Variants in ANO4 observed in about 807,000 individuals in gnomAD.
ANO4 encodes anoctamin 4.
In ANO4, 69 loss-of-function variants were observed where a neutral mutation model predicts 141.9. That is an observed-to-expected ratio of 0.49 (90% confidence interval 0.40 to 0.59). ANO4 has a LOEUF of 0.59. Among genes scored for constraint, ANO4 ranks in the 20% least tolerant of loss-of-function variants. ANO4 has a pLI of 0.00. For missense variants in ANO4, 894 were observed against 1,162.2 expected (o/e 0.77, Z 3.36); for synonymous variants, 350 against 394.3 (o/e 0.89, Z 1.33).
At chr12:101,037,782 A>T (rs2047257976) in intron 10 of ANO4, among the ~76,000 whole-genome samples, 1 of 152,188 alleles carries the variant, frequency 6.6e-6, no homozygotes, top group African/African-American at 2.4e-5. Context: ...ATTATTGAGA[A>T]ATTATTGTCA....
intron 1 of ANO4, among the ~76,000 whole-genome samples, chr12:100,883,155 T>C (rs2039653953): frequency 6.6e-6 from 1 of 152,224 alleles, no homozygotes; most frequent in Non-Finnish European, 1.5e-5. Context: ...TTCAGGCCAG[T>C]AAGCTCTAAA....
At chr12:101,065,747 C>A (rs1170593027) in intron 14 of ANO4, among the ~76,000 whole-genome samples, 3 of 152,146 alleles carry the variant, frequency 2.0e-5, no homozygotes, top group African/African-American at 7.2e-5. Context: ...GGGAATATTT[C>A]CAAACTCATT....
chr12:101,061,011 C>A (rs1246056042), intron 14 of ANO4, among the ~76,000 whole-genome samples: 1 of 152,124 alleles, frequency 6.6e-6, no homozygotes, highest in African/African-American at 2.4e-5. Flanking sequence ...TTTGCAGTGG[C>A]TGGTCCCAGT....
intron 3 of ANO4, among the ~76,000 whole-genome samples, chr12:100,923,519 T>C (rs1212903944): frequency 6.6e-6 from 1 of 152,112 alleles, no homozygotes; most frequent in Non-Finnish European, 1.5e-5. Context: ...GCCACATTTT[T>C]TAAATCCAGT....
intron 3 of ANO4, among the ~76,000 whole-genome samples, chr12:100,781,706 C>G (rs577160793): frequency 6.6e-6 from 1 of 152,250 alleles, no homozygotes; most frequent in South Asian, 2.1e-4. Flanking sequence ...CAGTTAATAA[C>G]TGTTTTGCTA....
chr12:100,798,645 G>A (rs1360959031), intron 1 of ANO4, among the ~76,000 whole-genome samples: 2 of 152,178 alleles, frequency 1.3e-5, no homozygotes, highest in African/African-American at 4.8e-5. Flanking sequence ...TATATTGCAA[G>A]TTATACTTCT....
chr12:100,902,017 T>C (rs1401823623), intron 2 of ANO4, among the ~76,000 whole-genome samples, 177 bp downstream of exon 2: 1 of 152,234 alleles, frequency 6.6e-6, no homozygotes, highest in Admixed American at 6.5e-5. Context: ...CCAAGACGAA[T>C]AAGAGGGGAG....
At chr12:100,743,523 C>T (rs544272658) in intron 3 of ANO4, among the ~76,000 whole-genome samples, 73 of 151,652 alleles carry the variant, frequency 4.8e-4, no homozygotes, top group Non-Finnish European at 8.5e-4. Context: ...TAATTAGAAA[C>T]TTTACACTTC....
intron 8 of ANO4, among the ~76,000 whole-genome samples, chr12:101,015,732 T>C (rs1362597209): frequency 6.6e-6 from 1 of 152,168 alleles, no homozygotes; most frequent in Admixed American, 6.6e-5. Context: ...GCTCTCCCCC[T>C]AGCAGTGCAT....
chr12:100,912,851 C>T lies in ANO4; in HGVS notation c.56-9375C>T, dbSNP rs547093777. On this transcript the variant is annotated intron_variant, in intron 2 of 27. Transcript: ENST00000392977. ...TACTTTGGACTTCTGTTTTATTTCTCATTGCATTGAAGGTGAATGTGGTGC... is the reference window on the plus strand; with the variant it reads ...TACTTTGGACTTCTGTTTTATTTCTTATTGCATTGAAGGTGAATGTGGTGC... 2.0e-5 allele frequency among the ~76,000 whole-genome samples: 3 copies of T among 152,282 alleles called. No individual in the cohort carries two copies. In the East Asian group the frequency reaches 5.8e-4, roughly 29 times the overall value.
intron 1 of ANO4, among the ~76,000 whole-genome samples, chr12:100,816,563 T>G (rs572434396): frequency 6.6e-6 from 1 of 152,066 alleles, no homozygotes; most frequent in African/African-American, 2.4e-5. Context: ...GACACTAGAT[T>G]AGACTAGAAT....
chr12:100,892,911 C>T (rs1250686201), intron 1 of ANO4, among the ~76,000 whole-genome samples: 3 of 152,116 alleles, frequency 2.0e-5, no homozygotes, highest in African/African-American at 7.2e-5. Context: ...CCCCCGGCAC[C>T]CTCCGTTTCT....
chr12:100,860,919 G>A (rs553177098), intron 1 of ANO4, among the ~76,000 whole-genome samples: 3 of 152,174 alleles, frequency 2.0e-5, no homozygotes, highest in East Asian at 1.9e-4. Flanking sequence ...GAATGGGGCC[G>A]CGGACCTTCG....
At chr12:101,045,425 C>T (rs1201859374) in intron 13 of ANO4, among the ~76,000 whole-genome samples, 3 of 152,116 alleles carry the variant, frequency 2.0e-5, no homozygotes, top group Non-Finnish European at 4.4e-5. Flanking sequence ...TGCCTAGAAA[C>T]TTAGTAAAAT....
At chr12:100,730,031 A>G (rs998541238) in intron 1 of ANO4, among the ~76,000 whole-genome samples, 3 of 152,116 alleles carry the variant, frequency 2.0e-5, no homozygotes, top group Non-Finnish European at 2.9e-5. Context: ...TTCTGTGCTT[A>G]TAAATCTCTC....
At chr12:100,806,871 A>G (rs2035088326) in intron 1 of ANO4, among the ~76,000 whole-genome samples, 1 of 151,426 alleles carries the variant, frequency 6.6e-6, no homozygotes, top group Non-Finnish European at 1.5e-5. Flanking sequence ...AAAAATTCAC[A>G]TTTCCTTATG....
intron 8 of ANO4, among the ~76,000 whole-genome samples, chr12:101,007,285 GGTTGCAGTGA>G (rs780710711): frequency 3.2e-4 from 48 of 152,214 alleles, no homozygotes; most frequent in Non-Finnish European, 6.0e-4. Flanking sequence ...GAGAGGCAGA[GGTTGCAGTGA>G]GCGGAGATTG....
At chr12:100,847,677 T>C (rs190379889) in intron 1 of ANO4, among the ~76,000 whole-genome samples, 2,381 of 152,270 alleles carry the variant, frequency 0.016, 23 homozygotes, top group Non-Finnish European at 0.024. Context: ...TTCACCGTGT[T>C]AGCCAGGATG....
intron 22 of ANO4, among the ~76,000 whole-genome samples, chr12:101,104,609 GTGTGTGTATGTATGTGTGTATA>G (rs1207165748): frequency 4.3e-4 from 30 of 69,906 alleles, no homozygotes; most frequent in South Asian, 1.8e-3. Context: ...GTGTGTGTGT[GTGTGTGTATGTATGTGTGTATA>G]TATATATATA....
Sources: gnomAD v4.1 joint callset for allele counts (sites outside exome capture counted in the v4.1 genomes callset) on GRCh38, gnomAD v4.1.1 for gene constraint, MANE v1.5 for transcripts, NCBI Gene and HGNC (gene_info 2026-07-23, HGNC 2026-07-21) for gene names.